MTX2: variants seen among roughly 807,000 people sequenced by gnomAD.
The protein encoded by MTX2 is metaxin-2.
In MTX2, 35 loss-of-function variants were observed where a neutral mutation model predicts 42.3. The observed-to-expected ratio is 0.83, with a 90% CI of 0.63 to 1.10. The LOEUF (loss-of-function observed/expected upper bound fraction) is 1.10. Among genes scored for constraint, MTX2 ranks in the 50% least tolerant of loss-of-function variants. The pLI is 0.00. For synonymous variants in MTX2, 119 were observed against 100.9 expected (o/e 1.18, Z -1.08); for missense variants, 307 against 304.1 (o/e 1.01, Z -0.07).
intron 2 of MTX2, among the ~76,000 whole-genome samples, chr2:176,297,396 G>A (rs1442795202): frequency 6.6e-6 from 1 of 152,214 alleles, no homozygotes; most frequent in Non-Finnish European, 1.5e-5. Flanking sequence ...ATAGGCAGCA[G>A]CCCTAGTCTT....
chr2:176,280,909 T>C (rs1174812627), intron 1 of MTX2, among the ~76,000 whole-genome samples: 1 of 152,204 alleles, frequency 6.6e-6, no homozygotes, highest in African/African-American at 2.4e-5. Context: ...TCCAGACAGT[T>C]GTCAGTGTCT....
At chr2:176,299,833 A>G (rs1428393871) in intron 3 of MTX2, among the ~76,000 whole-genome samples, 1 of 152,146 alleles carries the variant, frequency 6.6e-6, no homozygotes, top group South Asian at 2.1e-4. Flanking sequence ...GATACCAGAT[A>G]TCAAACATCA....
intron 1 of MTX2, among the ~76,000 whole-genome samples, chr2:176,290,516 C>T (rs1435434602): frequency 6.6e-6 from 1 of 152,144 alleles, no homozygotes; most frequent in African/African-American, 2.4e-5. Context: ...CTGACTTTGT[C>T]TGACCTTGGG....
At chr2:176,272,931 T>C (rs1204063700) in intron 1 of MTX2, among the ~76,000 whole-genome samples, 1 of 152,138 alleles carries the variant, frequency 6.6e-6, no homozygotes, top group African/African-American at 2.4e-5. Context: ...TTAATCTGTT[T>C]TGTGTTGCTA....
chr2:176,309,766 C>T (rs1280802443), intron 3 of MTX2, among the ~76,000 whole-genome samples: 1 of 116,052 alleles, frequency 8.6e-6, no homozygotes, highest in Non-Finnish European at 1.7e-5. Flanking sequence ...GGTAGATCTT[C>T]CCCCATCCCT....
intron 3 of MTX2, 100 bp downstream of exon 3, chr2:176,297,995 A>G (rs1410331743): frequency 1.1e-5 from 8 of 725,838 alleles, no homozygotes; most frequent in Admixed American, 9.4e-5. Flanking sequence ...GTCTGATACT[A>G]TATGTTTAGA....
chr2:176,314,009 G>T (rs1028502561), intron 3 of MTX2, among the ~76,000 whole-genome samples: 17 of 152,020 alleles, frequency 1.1e-4, no homozygotes, highest in South Asian at 2.1e-4. Flanking sequence ...ACCACATTGA[G>T]CCCTTTTTAC....
intron 3 of MTX2, among the ~76,000 whole-genome samples, chr2:176,316,503 G>A (rs1374931828): frequency 6.6e-6 from 1 of 152,048 alleles, no homozygotes; most frequent in Admixed American, 6.6e-5. Context: ...CTGGGCTTAG[G>A]TGATTCTCCC....
At chr2:176,317,825 A>C (rs541399531) in intron 3 of MTX2, among the ~76,000 whole-genome samples, 1 of 152,242 alleles carries the variant, frequency 6.6e-6, no homozygotes, top group African/African-American at 2.4e-5. Flanking sequence ...TCCAAAGAAT[A>C]AACCTTTGTC....
chr2:176,276,016 T>G (rs1367612434), intron 1 of MTX2, among the ~76,000 whole-genome samples: 5 of 152,250 alleles, frequency 3.3e-5, no homozygotes, highest in Non-Finnish European at 4.4e-5. Flanking sequence ...CTGTGTGAAC[T>G]TGGGCAAATT....
rs777265806 is a variant in MTX2, at chr2:176,270,264, G to C, written c.40+595G>C. 1.3e-4 allele frequency: 130 copies of C among 996,042 alleles called. 4 individuals carry two copies. The South Asian group carries it at 2.0e-3, about 16-fold the overall frequency. The allele number at this position is 996,042 out of a possible 1,614,324, so 61.7% of individuals were successfully genotyped here. Reference sequence around the variant, plus strand: ...GGGCTCACTGCAACCTCCGCTTCCCGGGTTCAAGCGATTCTCCTGCCTTAG... The same window carrying C: ...GGGCTCACTGCAACCTCCGCTTCCCCGGTTCAAGCGATTCTCCTGCCTTAG... On this transcript the variant is annotated intron_variant, in intron 1 of 9. Coordinates refer to ENST00000249442, the MANE Select transcript of MTX2 (RefSeq NM_006554.5).
At chr2:176,311,413 G>T (rs941515520) in intron 3 of MTX2, among the ~76,000 whole-genome samples, 1 of 152,208 alleles carries the variant, frequency 6.6e-6, no homozygotes, top group African/African-American at 2.4e-5. Flanking sequence ...ACGCTGTGGT[G>T]GGAGAACCAC....
At position 176,269,565 on chromosome 2, in the gene MTX2, T is replaced by G; in HGVS notation, c.-65T>G. 6.6e-7 allele frequency: 1 copy of G among 1,513,002 alleles called. No homozygotes were observed. The highest frequency in any genetic ancestry group is 8.9e-7 in the Non-Finnish European group (1 of 1,129,810). 93.7% of individuals were successfully genotyped at this position (1,513,002 alleles called of 1,614,324 possible). On this transcript the variant is annotated 5_prime_UTR_variant, in exon 1 of 10. Transcript: ENST00000249442. ...TCGTTAACTGCCGAGAGCCTCCGGG[T>G]TTGCGGTGGAGGACGCTGAGGCCCG...
intron 7 of MTX2, among the ~76,000 whole-genome samples, 158 bp from the exon 8 acceptor site, chr2:176,329,143 G>A (rs1174186238): frequency 2.0e-5 from 3 of 151,000 alleles, no homozygotes; most frequent in East Asian, 3.9e-4. Flanking sequence ...TAAAGGGAAT[G>A]GCTTAAAATT....
intron 3 of MTX2, among the ~76,000 whole-genome samples, chr2:176,302,126 G>GTTTTTTTTTTT (rs80143449): frequency 4.0e-5 from 5 of 125,260 alleles, no homozygotes; most frequent in African/African-American, 1.4e-4. Flanking sequence ...AAAAGCTGGT[G>GTTTTTTTTTTT]TTTTTTTTTT....
intron 3 of MTX2, among the ~76,000 whole-genome samples, chr2:176,303,408 T>C (rs992602951): frequency 6.6e-6 from 1 of 152,070 alleles, no homozygotes; most frequent in African/African-American, 2.4e-5. Flanking sequence ...ATTTATGAGA[T>C]ATAGAGACTT....
chr2:176,334,752 C>T (rs531653125), intron 9 of MTX2, among the ~76,000 whole-genome samples: 7 of 151,870 alleles, frequency 4.6e-5, no homozygotes, highest in Admixed American at 3.3e-4. Flanking sequence ...TGTATTTATT[C>T]GGCAAGTGCT....
intron 3 of MTX2, among the ~76,000 whole-genome samples, chr2:176,317,431 G>A (rs980619250): frequency 4.6e-5 from 7 of 152,080 alleles, no homozygotes; most frequent in African/African-American, 1.7e-4. Flanking sequence ...TCCTTTTTCT[G>A]TGGTTTGTTT....
rs818364 is a variant in MTX2, at chr2:176,337,387, A to T, written c.621-106A>T. On this transcript the variant is annotated intron_variant, in intron 9 of 9. Coordinates refer to ENST00000249442, the MANE Select transcript of MTX2 (RefSeq NM_006554.5). ...TTTAAAATATTTTGGATCTGAGGTT[A>T]GTTGAACCTACGAGTATGGGACCTG... 509 of 882,830 alleles carry T rather than the reference A, an allele frequency of 5.8e-4. 3 individuals are homozygous for T. The African/African-American group carries it at 8.0e-3, about 14-fold the overall frequency. 54.7% of individuals were successfully genotyped at this position (882,830 alleles called of 1,614,324 possible).
Sources: gnomAD v4.1 joint callset for allele counts (sites outside exome capture counted in the v4.1 genomes callset) on GRCh38, gnomAD v4.1.1 for gene constraint, MANE v1.5 for transcripts, NCBI Gene and HGNC (gene_info 2026-07-23, HGNC 2026-07-21) for gene names.